Variants in NRBP2 observed in about 807,000 individuals in gnomAD.
NRBP2 encodes nuclear receptor binding protein 2, also known as nuclear receptor-binding protein 2.
Under a neutral mutation model 74.4 loss-of-function variants are expected in NRBP2, and 47 were observed. The observed-to-expected ratio is 0.63, with a 90% CI of 0.50 to 0.81. NRBP2 has a LOEUF of 0.81. Ranked by LOEUF, NRBP2 falls within the 30% of genes least tolerant of loss-of-function variation. NRBP2 has a pLI of 0.00. For missense variants in NRBP2, 613 were observed against 690.1 expected, an observed-to-expected ratio of 0.89 and a Z score of 1.25; for synonymous variants, 312 against 273.8, an observed-to-expected ratio of 1.14 and a Z score of -1.38.
At chr8:143,830,553 C>T (rs915207594), downstream of NRBP2, among the ~76,000 whole-genome samples, 14 of 152,250 alleles carry the variant, frequency 9.2e-5, no homozygotes, top group African/African-American at 3.4e-4. Context: ...GAGAAGAGGG[C>T]TCCTCTCTGC....
Position 143,837,674 on chromosome 8 carries a change from C to A in NRBP2, c.922G>T (p.Glu308Ter). Reference sequence around the variant, plus strand: ...GCCAGGAGCTTCAGCGAGTGCACCTCGAAGAGCACGCGGTGGAAGAGGAGG... The same window carrying A: ...GCCAGGAGCTTCAGCGAGTGCACCTAGAAGAGCACGCGGTGGAAGAGGAGG... ...HSLLFHRVLF[E>*]VHSLKLLAAH... The change falls in exon 11 of 18, where the codon GAG (glutamate) becomes TAG (stop). Residue 308 changes from glutamate (E) to a stop codon, truncating the protein, a stop_gained. Transcript: ENST00000442628. LOFTEE classifies it high-confidence loss of function. This position sits in a 1 kb window ranked among gnomAD's most constrained non-coding sequence, Gnocchi z 4.3. 1 of 1,587,950 alleles carries A rather than the reference C, an allele frequency of 6.3e-7. No individual in the cohort carries two copies. Among genetic ancestry groups the A allele is most frequent in the East Asian group, 2.3e-5 (1 of 43,978 alleles).
Position 143,837,471 on chromosome 8 carries a change from C to A in NRBP2, c.1012G>T (p.Ala338Ser). Residue 338 changes from alanine to serine, a missense_variant, in exon 12 of 18, where the codon GCC becomes TCC. Physicochemically the swap from Ala to Ser is moderately conservative, Grantham distance 99. Around this residue, in one of 2 missense-constraint regions of NRBP2, gnomAD observed 281 missense variants for 260.9 expected, o/e 1.08. Coordinates refer to ENST00000442628, the MANE Select transcript of NRBP2 (RefSeq NM_178564.4). This position sits in a 1 kb window ranked among gnomAD's most constrained non-coding sequence, Gnocchi z 4.3. ...GCCAAGACCGCGTGCAGGTCCATGG[C>A]CTTGGTCTTCTCCTCCACCACATTC... ...PENVVEEKTKAMDLHAVLAEL... is the reference protein window; with the variant it reads ...PENVVEEKTKSMDLHAVLAEL... 6.2e-7 allele frequency: 1 copy of A among 1,611,072 alleles called. No individual in the cohort carries two copies.
In NRBP2 at chr8:143,839,988, G is replaced by T. The variant is rs1339956653; in HGVS notation, c.295C>A (p.His99Asn). ...TTGTGCAACTTCACGATGTTCGGGT[G>T]GTCCACCAGCACCAGCTGCTCGAAC... ...TVFEQLVLVD[H>N]PNIVKLHKYW... The change falls in exon 3 of 18, where the codon CAC becomes AAC. Residue 99 changes from histidine (H) to asparagine (N), a missense_variant. Transcript: ENST00000442628. This position sits in a 1 kb window ranked among gnomAD's most constrained non-coding sequence, Gnocchi z 5.1. 2.6e-6 allele frequency: 4 copies of T among 1,536,052 alleles called. No individual in the cohort carries two copies. In the East Asian group the frequency reaches 9.8e-5, roughly 38 times the overall value.
downstream of NRBP2, among the ~76,000 whole-genome samples, chr8:143,832,185 G>A (rs1554650406): frequency 6.6e-6 from 1 of 151,990 alleles, no homozygotes. Flanking sequence ...TAAGGGCGGT[G>A]CAAGATGTGC....
rs1818605721 is a variant in NRBP2, at chr8:143,839,644, C to G, written c.444+92G>C. 6.6e-7 allele frequency: 1 copy of G among 1,513,206 alleles called. No individual in the cohort carries two copies. Among genetic ancestry groups the G allele is most frequent in the Non-Finnish European group, 8.8e-7 (1 of 1,134,772 alleles). 93.7% of individuals were successfully genotyped at this position (1,513,206 alleles called of 1,614,324 possible). A position where few individuals can be genotyped will look rare whatever the true frequency, so the allele number is the denominator to read the frequency against. On this transcript the variant is annotated intron_variant, in intron 4 of 17. Transcript: ENST00000442628. This position sits in a 1 kb window ranked among gnomAD's most constrained non-coding sequence, Gnocchi z 5.1. ...CCCGCATCCTCGCCCAGCCCCTGTC[C>G]GAGGCCGCCGGGCACCCCCTCACCA...
Position 143,840,925 on chromosome 8 carries a change from G to A in NRBP2, c.-91C>T. ...CCCTGGCCTCGCGCCCAGCAGCCCA[G>A]CCTAGAGCCGCCGCGGCAGCCTAGA... On this transcript the variant is annotated 5_prime_UTR_variant, in exon 1 of 18. Transcript: ENST00000442628. This position sits in a 1 kb window ranked among gnomAD's most constrained non-coding sequence, Gnocchi z 5.7. The A allele has an allele frequency of 8.5e-7, 1 of 1,178,312 alleles. No homozygotes were observed. Among genetic ancestry groups the A allele is most frequent in the Non-Finnish European group, 1.0e-6 (1 of 955,742 alleles). 73.0% of individuals were successfully genotyped at this position (1,178,312 alleles called of 1,614,324 possible).
Position 143,839,265 on chromosome 8 carries a change from G to A in NRBP2, c.580+49C>T, listed in dbSNP as rs782495550. 1 of 1,535,636 alleles carries A rather than the reference G, an allele frequency of 6.5e-7. No homozygotes were observed. The highest frequency in any genetic ancestry group is 1.4e-5 in the African/African-American group (1 of 73,058). On this transcript the variant is annotated intron_variant, in intron 6 of 17. Coordinates refer to ENST00000442628, the MANE Select transcript of NRBP2 (RefSeq NM_178564.4). This position sits in a 1 kb window ranked among gnomAD's most constrained non-coding sequence, Gnocchi z 5.1. ...CAGAACTCCTCTGCCCTTGGCTCCAGGCACCTTCCCCTGCCCCGTTCCCCC... is the reference window on the plus strand; with the variant it reads ...CAGAACTCCTCTGCCCTTGGCTCCAAGCACCTTCCCCTGCCCCGTTCCCCC...
downstream of NRBP2, chr8:143,833,351 TTC>T (rs1465009995): frequency 3.9e-5 from 6 of 152,246 alleles, no homozygotes; most frequent in Admixed American, 1.3e-4. Flanking sequence ...GAACACCGTG[TTC>T]TCTCCTGAGA....
chr8:143,838,649 C>A, intron 10 of NRBP2, 31 bp downstream of exon 10: 1 of 1,549,296 alleles, frequency 6.5e-7, no homozygotes, highest in South Asian at 1.1e-5. Flanking sequence ...CACGGTGAGC[C>A]AGCTGGGGAG....
rs782370442 is a variant in NRBP2 at position 143,838,844 on chromosome 8, G to C, written c.744+39C>G. 12 of 1,612,744 alleles carry C rather than the reference G, an allele frequency of 7.4e-6. No individual in the cohort carries two copies. The South Asian group carries it at 1.1e-4, about 15-fold the overall frequency. On this transcript the variant is annotated intron_variant, in intron 9 of 17. Transcript: ENST00000442628. ...GGTGAGCCAGGCAGGGCACAGTTAGGAGGAGGGCAGAGCACAAGGTGGAGG... is the reference window on the plus strand; with the variant it reads ...GGTGAGCCAGGCAGGGCACAGTTAGCAGGAGGGCAGAGCACAAGGTGGAGG...
chr8:143,832,101 T>C (rs1301755065), downstream of NRBP2, among the ~76,000 whole-genome samples: 1 of 152,264 alleles, frequency 6.6e-6, no homozygotes, highest in African/African-American at 2.4e-5. Flanking sequence ...CTTGAGACTC[T>C]GTTAATCTAT....
At position 143,840,626 on chromosome 8, in the gene NRBP2, C is replaced by A. The variant is rs1818651941; in HGVS notation, c.129+80G>T. On this transcript the variant is annotated intron_variant, in intron 1 of 17. Coordinates refer to ENST00000442628, the MANE Select transcript of NRBP2 (RefSeq NM_178564.4). This position sits in a 1 kb window ranked among gnomAD's most constrained non-coding sequence, Gnocchi z 5.7. ...TTCCAGCCGCCGCGCTCTCCCAGCG[C>A]CCCCACGCCCCGCGCAGCCTCCAGG... 7.8e-7 allele frequency: 1 copy of A among 1,277,692 alleles called. No individual in the cohort carries two copies. Among genetic ancestry groups the A allele is most frequent in the Admixed American group, 3.3e-5 (1 of 29,946 alleles). The allele number at this position is 1,277,692 out of a possible 1,614,324, so 79.1% of individuals were successfully genotyped here.
At chr8:143,832,310 A>G (rs567727837), downstream of NRBP2, among the ~76,000 whole-genome samples, 1,869 of 152,068 alleles carry the variant, frequency 0.012, 26 homozygotes, top group Non-Finnish European at 0.018. Flanking sequence ...TCTGCCTAGG[A>G]AAGCCAGGTA....
intron 14 of NRBP2, 135 bp from the exon 15 acceptor site, chr8:143,836,315 C>T: frequency 5.4e-6 from 7 of 1,286,358 alleles, no homozygotes; most frequent in Non-Finnish European, 7.2e-6. Flanking sequence ...CTGCTAGTGG[C>T]TTGGCAAGCT....
chr8:143,832,282 CG>C (rs1818192137), downstream of NRBP2, among the ~76,000 whole-genome samples: 1 of 151,692 alleles, frequency 6.6e-6, no homozygotes, highest in African/African-American at 2.4e-5. Flanking sequence ...ACAAAAACTG[CG>C]GAAGGCCGCA....
intron 10 of NRBP2, among the ~76,000 whole-genome samples, chr8:143,838,393 C>T (rs1355906168): frequency 6.6e-6 from 1 of 152,246 alleles, no homozygotes; most frequent in African/African-American, 2.4e-5. Flanking sequence ...GCAAAGGACT[C>T]ATCTCCTCTG....
chr8:143,836,034 G>A lies in NRBP2; in HGVS notation c.1318-4C>T. 6.4e-7 allele frequency: 1 copy of A among 1,566,928 alleles called. No individual in the cohort carries two copies. The highest frequency in any genetic ancestry group is 8.6e-7 in the Non-Finnish European group (1 of 1,158,032). The stretch of plus-strand genomic sequence containing the variant: ...CCAGCACCAGAAGCAGAGTGAGCTG[G>A]GGAGGCGGCGGGGCGTGGTCGGCTG... On this transcript the variant is annotated splice_polypyrimidine_tract_variant and splice_region_variant and intron_variant, in intron 15 of 17. Transcript: ENST00000442628.
chr8:143,837,357 C>T lies in NRBP2; in HGVS notation c.1076+50G>A, dbSNP rs782359249. The T allele has an allele frequency of 6.2e-4, 65 of 105,072 alleles. No homozygotes were observed. Among genetic ancestry groups the T allele is most frequent in the African/African-American group, 1.1e-3 (7 of 6,178 alleles). 6.5% of individuals were successfully genotyped at this position (105,072 alleles called of 1,614,324 possible). A position where few individuals can be genotyped will look rare whatever the true frequency, so the allele number is the denominator to read the frequency against. ...GGCCGGGGCGAGGGGAGGGGAGGTGCGGGGAGGGGAGGTGTGGGGAGGGGA... is the reference window on the plus strand; with the variant it reads ...GGCCGGGGCGAGGGGAGGGGAGGTGTGGGGAGGGGAGGTGTGGGGAGGGGA... On this transcript the variant is annotated intron_variant, in intron 12 of 17. Transcript: ENST00000442628. The surrounding 1 kb of genome is among the most constrained non-coding windows in gnomAD (Gnocchi z 4.3).
In NRBP2 at chr8:143,837,070, G is replaced by A. The variant is rs1477698443; in HGVS notation, c.1232C>T (p.Thr411Met). 8.1e-6 allele frequency: 13 copies of A among 1,611,932 alleles called. No homozygotes were observed. Among genetic ancestry groups the A allele is most frequent in the Non-Finnish European group, 1.0e-5 (12 of 1,179,300 alleles). The change falls in exon 14 of 18, where the codon ACG becomes ATG. Residue 411 changes from threonine (T) to methionine (M), a missense_variant. This residue lies in a region of NRBP2 where 281 missense variants were observed against 260.9 expected (regional missense o/e 1.08). Coordinates refer to ENST00000442628, the MANE Select transcript of NRBP2 (RefSeq NM_178564.4). The surrounding 1 kb of genome is among the most constrained non-coding windows in gnomAD (Gnocchi z 4.3). ...PEEVQKAKTP[T>M]PEPFDSETRK... is the part of the protein sequence containing the mutation. ...GGTCTCAGAGTCAAAGGGCTCTGGC[G>A]TCGGGGTCTTGGCCTTTTGGACCTC... is the stretch of plus-strand genomic sequence containing the variant.
Sources: allele counts gnomAD v4.1 joint callset (sites outside exome capture counted in the v4.1 genomes callset), GRCh38; gene constraint gnomAD v4.1.1; regional missense constraint gnomAD v4.1.1; non-coding constraint Gnocchi (gnomAD v3.1); transcripts MANE v1.5; gene names NCBI Gene and HGNC (gene_info 2026-07-23, HGNC 2026-07-21).